Variants in KCNIP4 observed in about 807,000 individuals in gnomAD.
KCNIP4 encodes the protein potassium voltage-gated channel interacting protein 4.
Under a neutral mutation model 34.0 loss-of-function variants are expected in KCNIP4, and 12 were observed. The observed-to-expected ratio is 0.35, with a 90% CI of 0.23 to 0.57. The LOEUF is 0.57. KCNIP4 is among the 20% of genes least tolerant of loss of function. The pLI is 0.83. For synonymous variants in KCNIP4, 124 were observed against 102.2 expected (o/e 1.21, Z -1.29); for missense variants, 238 against 311.7 (o/e 0.76, Z 1.78).
chr4:21,066,469 G>C (rs919078510), intron 1 of KCNIP4, among the ~76,000 whole-genome samples: 2 of 152,146 alleles, frequency 1.3e-5, no homozygotes, highest in Admixed American at 6.5e-5. Context: ...GCACTGAAGA[G>C]GGTAGAAAAG....
At chr4:21,717,998 G>A (rs1714518178) in intron 1 of KCNIP4, among the ~76,000 whole-genome samples, 1 of 151,942 alleles carries the variant, frequency 6.6e-6, no homozygotes, top group African/African-American at 2.4e-5. Flanking sequence ...AGATCACTTA[G>A]AACATGAAAA....
At chr4:21,947,797 T>C (rs1159081363) in intron 1 of KCNIP4, among the ~76,000 whole-genome samples, 2 of 152,188 alleles carry the variant, frequency 1.3e-5, no homozygotes, top group African/African-American at 4.8e-5. Flanking sequence ...TAAAATACTC[T>C]GTACACATCA....
intron 1 of KCNIP4, among the ~76,000 whole-genome samples, chr4:21,519,667 CGT>C (rs1318823318): frequency 7.7e-6 from 1 of 129,854 alleles, no homozygotes; most frequent in Non-Finnish European, 1.6e-5. Flanking sequence ...TATATATACA[CGT>C]GTGTGTATGT....
intron 1 of KCNIP4, among the ~76,000 whole-genome samples, chr4:21,243,947 C>A (rs192293272): frequency 1.3e-5 from 2 of 152,068 alleles, no homozygotes; most frequent in Admixed American, 6.6e-5. Context: ...GCAAGATCAT[C>A]GAATGTCTCA....
At position 21,473,960 on chromosome 4, in the gene KCNIP4, C is replaced by T. The variant is rs181245740; in HGVS notation, c.61+474611G>A. Among the ~76,000 whole-genome samples the T allele has an allele frequency of 8.2e-3, 1,245 of 152,076 alleles. 13 individuals are homozygous for T. Among genetic ancestry groups the T allele is most frequent in the African/African-American group, 0.028 (1,179 of 41,482 alleles). On this transcript the variant is annotated intron_variant, in intron 1 of 8. Coordinates refer to ENST00000382152, the MANE Select transcript of KCNIP4 (RefSeq NM_025221.6). ...AACTCCTGACCTCAGATGATTCACC[C>T]GCCTCAGCCTCCCAAAGTGCTGACA... is the stretch of plus-strand genomic sequence containing the variant.
At chr4:21,263,523 A>C (rs1404045047) in intron 1 of KCNIP4, among the ~76,000 whole-genome samples, 3 of 152,172 alleles carry the variant, frequency 2.0e-5, no homozygotes, top group Non-Finnish European at 4.4e-5. Flanking sequence ...GCCAAATCCT[A>C]GAATGTTATG....
intron 1 of KCNIP4, among the ~76,000 whole-genome samples, chr4:21,165,892 A>G (rs1333371056): frequency 3.3e-5 from 5 of 152,200 alleles, no homozygotes; most frequent in South Asian, 2.1e-4. Flanking sequence ...GCCTTCATCA[A>G]TAAATTCCTG....
chr4:20,830,375 T>A (rs1032579342), intron 3 of KCNIP4, among the ~76,000 whole-genome samples: 2 of 152,214 alleles, frequency 1.3e-5, no homozygotes, highest in Non-Finnish European at 2.9e-5. Flanking sequence ...TCTACCTAGC[T>A]GTCTGGGAAA....
chr4:21,268,778 T>C (rs902513910), intron 1 of KCNIP4, among the ~76,000 whole-genome samples: 17 of 152,198 alleles, frequency 1.1e-4, no homozygotes, highest in African/African-American at 3.6e-4. Context: ...TTGGGTGCTA[T>C]GGGAAGACAC....
At chr4:21,815,811 A>T (rs1026001989) in intron 1 of KCNIP4, among the ~76,000 whole-genome samples, 1 of 152,204 alleles carries the variant, frequency 6.6e-6, no homozygotes, top group Non-Finnish European at 1.5e-5. Flanking sequence ...CCAGCATATT[A>T]TCTTCTCCCC....
intron 1 of KCNIP4, among the ~76,000 whole-genome samples, chr4:20,899,380 T>G (rs1160764692): frequency 6.6e-6 from 1 of 152,178 alleles, no homozygotes; most frequent in Non-Finnish European, 1.5e-5. Flanking sequence ...GCCCTGCTGC[T>G]CAACATTTTA....
chr4:21,710,504 A>G (rs1460713585), intron 1 of KCNIP4, among the ~76,000 whole-genome samples: 1 of 152,230 alleles, frequency 6.6e-6, no homozygotes, highest in Non-Finnish European at 1.5e-5. Context: ...TTCATGTTAC[A>G]CACTCTCCAA....
In KCNIP4 at chr4:21,869,767, TAGATAGATAGATAGATAGAC is replaced by T. The variant is rs1440673840; in HGVS notation, c.61+78784_61+78803del. Among the ~76,000 whole-genome samples the T allele has an allele frequency of 1.3e-4, 18 of 140,382 alleles. 1 individual carries two copies. The highest frequency in any genetic ancestry group is 1.0e-3 in the East Asian group (5 of 5,000). 92.1% of individuals were successfully genotyped at this position (140,382 alleles called of 152,430 possible). On this transcript the variant is annotated intron_variant, in intron 1 of 8. Transcript: ENST00000382152. ...ATAGATAGATAGATAGATAGATAGA[TAGATAGATAGATAGATAGAC>T]AGACAGACAGATAGATAGATATAGA...
chr4:20,863,388 C>A (rs1722419491), intron 2 of KCNIP4, among the ~76,000 whole-genome samples: 1 of 152,038 alleles, frequency 6.6e-6, no homozygotes, highest in South Asian at 2.1e-4. Context: ...GCAGGGTCTG[C>A]AAAATATCTC....
rs145666114 is a variant in KCNIP4, at chr4:21,945,315, G to A, written c.61+3256C>T. On this transcript the variant is annotated intron_variant, in intron 1 of 8. Transcript: ENST00000382152. The stretch of plus-strand genomic sequence containing the variant: ...AGAGGGCATAAGCTTCAGGCCTGGG[G>A]AGAGAGGGTGGCTGAATTTCAACAC... Among the ~76,000 whole-genome samples the A allele has an allele frequency of 4.2e-4, 64 of 152,274 alleles. No individual in the cohort carries two copies. In the East Asian group the frequency reaches 0.012, roughly 28 times the overall value.
intron 1 of KCNIP4, among the ~76,000 whole-genome samples, chr4:21,769,776 G>A (rs948726164): frequency 2.6e-5 from 4 of 151,466 alleles, no homozygotes; most frequent in African/African-American, 9.8e-5. Flanking sequence ...CTATTAATGG[G>A]CTAGCCATCT....
At chr4:21,496,884 C>T (rs1271299505) in intron 1 of KCNIP4, among the ~76,000 whole-genome samples, 1 of 152,164 alleles carries the variant, frequency 6.6e-6, no homozygotes, top group Admixed American at 6.5e-5. Flanking sequence ...ATCCCCAAAC[C>T]ATCCCCGCCC....
At chr4:20,803,008 T>G (rs1714542072) in intron 3 of KCNIP4, among the ~76,000 whole-genome samples, 1 of 141,448 alleles carries the variant, frequency 7.1e-6, no homozygotes, top group African/African-American at 2.7e-5. Context: ...CTGGGAGGCG[T>G]AGCATGCAGT....
Position 21,153,515 on chromosome 4 carries a change from G to GTATATATATA in KCNIP4, c.62-270816_62-270807dup, listed in dbSNP as rs59614946. Among the ~76,000 whole-genome samples the GTATATATATA allele has an allele frequency of 2.6e-4, 37 of 140,896 alleles. No homozygotes were observed. The East Asian group carries it at 6.0e-3, about 23-fold the overall frequency. 92.4% of individuals were successfully genotyped at this position (140,896 alleles called of 152,430 possible). On this transcript the variant is annotated intron_variant, in intron 1 of 8. Transcript: ENST00000382152. ...TATATTTATATATATATGTGTGTGTGTATATATATATATATATATATATAT... is the reference window on the plus strand; with the variant it reads ...TATATTTATATATATATGTGTGTGTGTATATATATATATATATATATATATATATATATAT...
Sources: allele counts gnomAD v4.1 joint callset (sites outside exome capture counted in the v4.1 genomes callset), GRCh38; gene constraint gnomAD v4.1.1; transcripts MANE v1.5; gene names NCBI Gene and HGNC (gene_info 2026-07-23, HGNC 2026-07-21).